Variants in RASGRF2 observed in about 807,000 individuals in gnomAD.
The protein encoded by RASGRF2 is ras-specific guanine nucleotide-releasing factor 2.
Under a neutral mutation model 151.0 loss-of-function variants are expected in RASGRF2, and 76 were observed. The observed-to-expected ratio is 0.50, with a 90% CI of 0.42 to 0.61. The LOEUF is 0.61. RASGRF2 is among the 20% of genes least tolerant of loss of function. RASGRF2 has a pLI of 0.00. For missense variants in RASGRF2, 1,148 were observed against 1,564.6 expected, an observed-to-expected ratio of 0.73 and a Z score of 4.49; for synonymous variants, 504 against 566.5, an observed-to-expected ratio of 0.89 and a Z score of 1.57.
In RASGRF2 at chr5:81,226,098, T is replaced by A. The variant is rs2897389; in HGVS notation, c.*328T>A. On this transcript the variant is annotated 3_prime_UTR_variant, in exon 27 of 27. Coordinates refer to ENST00000265080, the MANE Select transcript of RASGRF2 (RefSeq NM_006909.3). ...AATTTTAAACTCTGTCCATGTTCTG[T>A]TAGAACTCAGGGACAAGGATCCATG... 35,134 of 189,650 alleles carry A rather than the reference T, an allele frequency of 0.19. 3,533 individuals carry two copies. The highest frequency in any genetic ancestry group is 0.28 in the Admixed American group (4,531 of 16,444). The allele number at this position is 189,650 out of a possible 1,614,324, so 11.7% of individuals were successfully genotyped here.
At chr5:80,994,793 C>A (rs1748780842) in intron 1 of RASGRF2, among the ~76,000 whole-genome samples, 2 of 152,140 alleles carry the variant, frequency 1.3e-5, no homozygotes, top group Non-Finnish European at 2.9e-5. Flanking sequence ...TGGATTTTCC[C>A]CAGGCTTTTC....
At chr5:81,202,818 G>A (rs1220370598) in intron 19 of RASGRF2, among the ~76,000 whole-genome samples, 3 of 152,236 alleles carry the variant, frequency 2.0e-5, no homozygotes, top group Admixed American at 2.0e-4. Flanking sequence ...GAGTTATGCA[G>A]CTGCAAGCCA....
chr5:81,078,403 A>G (rs752760488), intron 5 of RASGRF2, among the ~76,000 whole-genome samples: 28 of 152,092 alleles, frequency 1.8e-4, no homozygotes, highest in South Asian at 4.2e-4. Context: ...TTCCTTCCCC[A>G]CTACCCTTCC....
At chr5:81,205,027 G>A (rs1241084915) in intron 19 of RASGRF2, among the ~76,000 whole-genome samples, 9 of 152,104 alleles carry the variant, frequency 5.9e-5, no homozygotes, top group Admixed American at 3.3e-4. Context: ...GTGCACTTTC[G>A]GAAAAGTCAC....
chr5:81,073,571 A>T, intron 5 of RASGRF2, 119 bp downstream of exon 5: 2 of 1,063,384 alleles, frequency 1.9e-6, no homozygotes, highest in Non-Finnish European at 2.5e-6. Flanking sequence ...TATGATAGTA[A>T]AAATAAGAAA....
chr5:80,995,327 C>T (rs1365404761), intron 1 of RASGRF2, among the ~76,000 whole-genome samples: 1 of 149,772 alleles, frequency 6.7e-6, no homozygotes, highest in South Asian at 2.1e-4. Flanking sequence ...CTCTAAGCAA[C>T]CTCTGATCTG....
intron 17 of RASGRF2, among the ~76,000 whole-genome samples, chr5:81,128,645 G>T (rs1016160039): frequency 6.6e-6 from 1 of 152,130 alleles, no homozygotes; most frequent in African/African-American, 2.4e-5. Context: ...GGAGCCGAGC[G>T]GTGCAGCTAT....
chr5:81,136,294 G>T (rs543406930), intron 17 of RASGRF2, among the ~76,000 whole-genome samples: 34 of 152,106 alleles, frequency 2.2e-4, no homozygotes, highest in Non-Finnish European at 4.1e-4. Context: ...TCTGCGTAAA[G>T]AACTTCTTTT....
In RASGRF2 at chr5:81,227,533, T is replaced by G. The variant is rs1348750060; in HGVS notation, c.*1763T>G. ...TTTCAAATAAGAGGTTGACGCATCT[T>G]GATGCATGATGAGAAGCATGGGCTG... On this transcript the variant is annotated 3_prime_UTR_variant, in exon 27 of 27. Coordinates refer to ENST00000265080, the MANE Select transcript of RASGRF2 (RefSeq NM_006909.3). 1.3e-5 allele frequency: 2 copies of G among 152,222 alleles called. No homozygotes were observed. The highest frequency in any genetic ancestry group is 2.9e-5 in the Non-Finnish European group (2 of 68,038). 9.4% of individuals were successfully genotyped at this position (152,222 alleles called of 1,614,324 possible). A position where few individuals can be genotyped will look rare whatever the true frequency, so the allele number is the denominator to read the frequency against.
At position 81,225,793 on chromosome 5, in the gene RASGRF2, C is replaced by T. The variant is rs1013325526; in HGVS notation, c.*23C>T. ...TGAAGATCTGGCCTTGCCCCTGAGT[C>T]CACGGGATGTTCATGGAAAGCAGGA... is the stretch of plus-strand genomic sequence containing the variant. On this transcript the variant is annotated 3_prime_UTR_variant, in exon 27 of 27. Transcript: ENST00000265080. 21 of 1,605,294 alleles carry T rather than the reference C, an allele frequency of 1.3e-5. No homozygotes were observed. The highest frequency in any genetic ancestry group is 1.8e-5 in the Non-Finnish European group (21 of 1,177,654).
chr5:81,106,516 TTCTC>T (rs143887323), intron 12 of RASGRF2, among the ~76,000 whole-genome samples: 1 of 152,314 alleles, frequency 6.6e-6, no homozygotes, highest in African/African-American at 2.4e-5. Flanking sequence ...CAAGACTCCT[TTCTC>T]TATAGCCTGC....
intron 13 of RASGRF2, among the ~76,000 whole-genome samples, chr5:81,112,342 A>G (rs1006377856): frequency 6.6e-6 from 1 of 152,242 alleles, no homozygotes; most frequent in Non-Finnish European, 1.5e-5. Flanking sequence ...GATGATTTAA[A>G]GTATACAGGA....
intron 12 of RASGRF2, among the ~76,000 whole-genome samples, 171 bp downstream of exon 12, chr5:81,095,163 GT>G (rs1752512318): frequency 6.6e-6 from 1 of 152,052 alleles, no homozygotes; most frequent in Non-Finnish European, 1.5e-5. Context: ...CATTTTTGTT[GT>G]TGTTGTTTCT....
Position 81,221,699 on chromosome 5 carries a change from G to A in RASGRF2, c.3621+1921G>A, listed in dbSNP as rs751804329. Among the ~76,000 whole-genome samples the A allele has an allele frequency of 5.9e-5, 9 of 151,942 alleles. 1 individual carries two copies. Among genetic ancestry groups the A allele is most frequent in the Admixed American group, 1.3e-4 (2 of 15,258 alleles). ...GACCCTGTCTCTACAAAAAGTGGCC[G>A]GGCGCCTTGGCTCACAGCTGTAATC... On this transcript the variant is annotated intron_variant, in intron 26 of 26. Coordinates refer to ENST00000265080, the MANE Select transcript of RASGRF2 (RefSeq NM_006909.3).
chr5:80,991,476 G>A (rs1748648602), intron 1 of RASGRF2, among the ~76,000 whole-genome samples: 1 of 152,200 alleles, frequency 6.6e-6, no homozygotes, highest in Non-Finnish European at 1.5e-5. Context: ...AGTCTGCATT[G>A]CTAACAAGGT....
intron 1 of RASGRF2, among the ~76,000 whole-genome samples, chr5:80,985,281 C>A (rs1005112219): frequency 3.3e-5 from 5 of 152,182 alleles, no homozygotes; most frequent in Non-Finnish European, 7.3e-5. Flanking sequence ...ACCGTTCATA[C>A]TGATTCTCTT....
At chr5:81,156,768 C>G (rs186549938) in intron 17 of RASGRF2, among the ~76,000 whole-genome samples, 104 of 152,280 alleles carry the variant, frequency 6.8e-4, no homozygotes, top group African/African-American at 2.3e-3. Flanking sequence ...AGAACAATAT[C>G]AACGATGCCT....
At chr5:80,982,171 T>C (rs974270646) in intron 1 of RASGRF2, among the ~76,000 whole-genome samples, 3 of 152,156 alleles carry the variant, frequency 2.0e-5, no homozygotes, top group Non-Finnish European at 4.4e-5. Flanking sequence ...CTTCATTTAC[T>C]CACTAAGCAG....
At chr5:81,126,096 AG>A (rs1261975848) in intron 16 of RASGRF2, among the ~76,000 whole-genome samples, 5 of 152,384 alleles carry the variant, frequency 3.3e-5, no homozygotes, top group African/African-American at 1.2e-4. Context: ...ATTAGGGCCA[AG>A]CTAATAAAAG....
Sources: gnomAD v4.1 joint callset for allele counts (sites outside exome capture counted in the v4.1 genomes callset) on GRCh38, gnomAD v4.1.1 for gene constraint, MANE v1.5 for transcripts, NCBI Gene and HGNC (gene_info 2026-07-23, HGNC 2026-07-21) for gene names.